PI15: variants seen among roughly 807,000 people sequenced by gnomAD.
PI15 encodes peptidase inhibitor 15.
In PI15, 18 loss-of-function variants were observed where a neutral mutation model predicts 31.0. The ratio of observed to expected loss-of-function variants is 0.58; its 90% confidence interval spans 0.40 to 0.86. The LOEUF (loss-of-function observed/expected upper bound fraction) is 0.86. PI15 is among the 40% of genes least tolerant of loss of function. The probability of loss-of-function intolerance (pLI) is 0.00; values close to 1 mark genes in which losing one functional copy is unlikely to be tolerated. For synonymous variants in PI15, 118 were observed against 119.1 expected, an observed-to-expected ratio of 0.99 and a Z score of 0.06; for missense variants, 282 against 328.1, an observed-to-expected ratio of 0.86 and a Z score of 1.09.
In PI15 at chr8:74,827,893, T is replaced by C. The variant is rs139283695; in HGVS notation, c.273+2371T>C. Among the ~76,000 whole-genome samples the C allele has an allele frequency of 3.6e-4, 55 of 152,278 alleles. 1 individual carries two copies. In the Middle Eastern group the frequency reaches 0.01, roughly 28 times the overall value. On this transcript the variant is annotated intron_variant, in intron 2 of 5. Transcript: ENST00000260113. ...ATAGTAGGTGCTTTCTAAATGCTCC[T>C]TAATTCAGTAAAAGTAATGAGAACA...
intron 2 of PI15, among the ~76,000 whole-genome samples, chr8:74,843,046 A>G (rs77998667): frequency 0.05 from 7,610 of 152,290 alleles, 326 homozygotes; most frequent in African/African-American, 0.12. Flanking sequence ...ACACCATAAT[A>G]GAGTATGACC....
In PI15 at chr8:74,844,518, A is replaced by G. The variant is rs531820319; in HGVS notation, c.392+419A>G. Among the ~76,000 whole-genome samples the G allele has an allele frequency of 6.6e-5, 10 of 152,234 alleles. No homozygotes were observed. The South Asian group carries it at 2.1e-3, about 32-fold the overall frequency. ...CAAAGTTGCATATACCCGCATTTAC[A>G]TAAACATATACAATAAAAATGTAGG... On this transcript the variant is annotated intron_variant, in intron 3 of 5. Transcript: ENST00000260113.
Position 74,848,476 on chromosome 8 carries a change from G to T in PI15, c.642-642G>T, listed in dbSNP as rs185363864. ...TAAGCCTCCCAGAAAATATTAGTTTGTTTTTTTAATCATCCTCAGATGAGC... is the reference window on the plus strand; with the variant it reads ...TAAGCCTCCCAGAAAATATTAGTTTTTTTTTTTAATCATCCTCAGATGAGC... On this transcript the variant is annotated intron_variant, in intron 5 of 5. Transcript: ENST00000260113. Among the ~76,000 whole-genome samples the T allele has an allele frequency of 1.2e-3, 180 of 147,534 alleles. 2 individuals carry two copies. The highest frequency in any genetic ancestry group is 4.0e-3 in the African/African-American group (149 of 37,646).
rs550281383 is a variant in PI15, at chr8:74,844,981, A to G, written c.393-147A>G. The G allele has an allele frequency of 6.7e-5, 45 of 671,748 alleles. No homozygotes were observed. The African/African-American group carries it at 7.9e-4, about 12-fold the overall frequency. The allele number at this position is 671,748 out of a possible 1,614,324, so 41.6% of individuals were successfully genotyped here. On this transcript the variant is annotated intron_variant, in intron 3 of 5. Coordinates refer to ENST00000260113, the MANE Select transcript of PI15 (RefSeq NM_015886.5). ...AGTTGGAGGAATAGAGGACCCGACT[A>G]GGTGGTGATGGTGATTGTGAGGGGT...
chr8:74,830,015 T>C (rs1269288686), intron 2 of PI15, among the ~76,000 whole-genome samples: 1 of 152,144 alleles, frequency 6.6e-6, no homozygotes, highest in Non-Finnish European at 1.5e-5. Flanking sequence ...GGATTAGGGA[T>C]GCGTTTTAGA....
intron 2 of PI15, among the ~76,000 whole-genome samples, chr8:74,828,686 AT>A (rs1471850921): frequency 6.6e-6 from 1 of 152,068 alleles, no homozygotes; most frequent in African/African-American, 2.4e-5. Flanking sequence ...TCACAGATAT[AT>A]GTGCTGTGAT....
intron 5 of PI15, among the ~76,000 whole-genome samples, chr8:74,847,225 C>A (rs921852930): frequency 6.6e-6 from 1 of 152,024 alleles, no homozygotes; most frequent in African/African-American, 2.4e-5. Flanking sequence ...GCGGGTGGAT[C>A]ACCTGAGGTC....
chr8:74,842,405 A>C (rs1258461081), intron 2 of PI15, among the ~76,000 whole-genome samples: 1 of 152,152 alleles, frequency 6.6e-6, no homozygotes, highest in Admixed American at 6.5e-5. Flanking sequence ...AGGTAGAATA[A>C]TATATAAATA....
In PI15 at chr8:74,825,210, CAAAGT is replaced by C. The variant is rs765784762; in HGVS notation, c.-36_-32del. The C allele has an allele frequency of 6.2e-7, 1 of 1,600,648 alleles. No homozygotes were observed. The highest frequency in any genetic ancestry group is 1.3e-5 in the African/African-American group (1 of 74,440). ...CTAACTCTACCTTTCTGCTTTAAAG[CAAAGT>C]AAACTCGGTGGCCTCTTCTTCTCCA... On this transcript the variant is annotated splice_region_variant and 5_prime_UTR_variant, in exon 2 of 6. Transcript: ENST00000260113.
In PI15 at chr8:74,825,338, C is replaced by T; in HGVS notation, c.89C>T (p.Ser30Leu). ...STVVLLNSTD[S>L]SPPTNNFTDI... Reference sequence around the variant, plus strand: ...GTCGTCCTACTCAATTCCACTGACTCATCCCCGCCAACCAATAATTTCACT... The same window carrying T: ...GTCGTCCTACTCAATTCCACTGACTTATCCCCGCCAACCAATAATTTCACT... Residue 30 changes from serine (S) to leucine (L), a missense_variant, in exon 2 of 6, where the codon TCA (serine) becomes TTA (leucine). Physicochemically the swap from Ser to Leu is moderately radical, Grantham distance 145. Coordinates refer to ENST00000260113, the MANE Select transcript of PI15 (RefSeq NM_015886.5). 6.2e-7 allele frequency: 1 copy of T among 1,613,284 alleles called. No homozygotes were observed.
chr8:74,843,895 A>G (rs1810981921), intron 2 of PI15, 86 bp from the exon 3 acceptor site: 1 of 779,700 alleles, frequency 1.3e-6, no homozygotes, highest in Non-Finnish European at 2.3e-6. Flanking sequence ...CAATAACTCT[A>G]GGAAATAGTA....
At position 74,845,235 on chromosome 8, in the gene PI15, G is replaced by T. The variant is rs930416882; in HGVS notation, c.500G>T (p.Gly167Val). The change falls in exon 4 of 6, where the codon GGT becomes GTT. Residue 167 changes from glycine (G) to valine (V), a missense_variant. Transcript: ENST00000260113. ...CNPRCPMRCFGPMCTHYTQMV... is the reference protein window; with the variant it reads ...CNPRCPMRCFVPMCTHYTQMV... Reference sequence around the variant, plus strand: ...CCCAGATGTCCTATGAGATGTTTTGGTCCCATGTGCACACATTATACGCAG... The same window carrying T: ...CCCAGATGTCCTATGAGATGTTTTGTTCCCATGTGCACACATTATACGCAG... 3 of 1,613,538 alleles carry T rather than the reference G, an allele frequency of 1.9e-6. No homozygotes were observed. The African/African-American group carries it at 4.0e-5, about 22-fold the overall frequency.
At chr8:74,842,636 T>C (rs1810961039) in intron 2 of PI15, among the ~76,000 whole-genome samples, 1 of 152,140 alleles carries the variant, frequency 6.6e-6, no homozygotes, top group Admixed American at 6.5e-5. Flanking sequence ...TCAGAACTGA[T>C]TTATTACTGG....
chr8:74,845,344 T>C, intron 4 of PI15, 38 bp from the exon 5 acceptor site: 2 of 1,587,986 alleles, frequency 1.3e-6, no homozygotes, highest in Non-Finnish European at 1.7e-6. Flanking sequence ...TTGTCTTAGC[T>C]CTGACTTCTG....
intron 2 of PI15, chr8:74,826,346 AT>A: frequency 1.1e-6 from 1 of 927,802 alleles, no homozygotes; most frequent in Non-Finnish European, 1.3e-6. Flanking sequence ...TCAATATGGT[AT>A]TTCCAAATTG....
rs79847015 is a variant in PI15 at position 74,849,300 on chromosome 8, C to T, written c.*47C>T. On this transcript the variant is annotated 3_prime_UTR_variant, in exon 6 of 6. Transcript: ENST00000260113. ...ATATAATGATTTCTGGGAACATGGG[C>T]ATGTATATATATATATGGAGAGAGA... 0.026 allele frequency: 38,524 copies of T among 1,468,744 alleles called. 726 individuals are homozygous for T. The highest frequency in any genetic ancestry group is 0.087 in the African/African-American group (6,199 of 71,012). 91.0% of individuals were successfully genotyped at this position (1,468,744 alleles called of 1,614,324 possible). A position where few individuals can be genotyped will look rare whatever the true frequency, so the allele number is the denominator to read the frequency against.
chr8:74,844,467 G>A (rs1810992508), intron 3 of PI15, among the ~76,000 whole-genome samples: 1 of 147,014 alleles, frequency 6.8e-6, no homozygotes, highest in Admixed American at 6.7e-5. Flanking sequence ...GTGTGTGTGT[G>A]TGTATGCATA....
chr8:74,838,407 C>A (rs906560840), intron 2 of PI15, among the ~76,000 whole-genome samples: 2 of 151,878 alleles, frequency 1.3e-5, no homozygotes, highest in Non-Finnish European at 2.9e-5. Flanking sequence ...TCTTTTTAAC[C>A]TTTTTAAAAA....
rs1043846164 is a variant in PI15 at position 74,853,390 on chromosome 8, T to C, written c.*4137T>C. ...TCAATAAAATCCTATGTTAAATTAA[T>C]CTTTACCAAAAACAGGCAAGTTAAC... On this transcript the variant is annotated 3_prime_UTR_variant, in exon 6 of 6. Coordinates refer to ENST00000260113, the MANE Select transcript of PI15 (RefSeq NM_015886.5). 1 of 152,558 alleles carries C rather than the reference T, an allele frequency of 6.6e-6. No individual in the cohort carries two copies. Among genetic ancestry groups the C allele is most frequent in the Non-Finnish European group, 1.5e-5 (1 of 67,964 alleles). The allele number at this position is 152,558 out of a possible 1,614,324, so 9.5% of individuals were successfully genotyped here. A position where few individuals can be genotyped will look rare whatever the true frequency, so the allele number is the denominator to read the frequency against.
Sources: gnomAD v4.1 joint callset for allele counts (sites outside exome capture counted in the v4.1 genomes callset) on GRCh38, gnomAD v4.1.1 for gene constraint, MANE v1.5 for transcripts, NCBI Gene and HGNC (gene_info 2026-07-23, HGNC 2026-07-21) for gene names.